The following IFIT1 variants were observed in gnomAD, a reference collection of about 807,000 sequenced individuals.
The protein encoded by IFIT1 is interferon induced protein with tetratricopeptide repeats 1, also known as antiviral innate immune response effector IFIT1.
In IFIT1, 1 loss-of-function variant was observed where a neutral mutation model predicts 2.5. The ratio of observed to expected loss-of-function variants is 0.40; its 90% CI spans 0.14 to 1.92. The LOEUF is 1.92. Among genes scored for constraint, IFIT1 ranks in the 40% most tolerant of loss-of-function variants. IFIT1 has a pLI of 0.31. For synonymous variants in IFIT1, 191 were observed against 201.7 expected (o/e 0.95, Z 0.45); for missense variants, 508 against 557.8 (o/e 0.91, Z 0.90).
intron 1 of IFIT1, 140 bp downstream of exon 1, chr10:89,392,857 G>A: frequency 1.2e-6 from 1 of 853,702 alleles, no homozygotes. Flanking sequence ...TGGACTGAAT[G>A]TGTGCATGCA....
intron 1 of IFIT1, among the ~76,000 whole-genome samples, chr10:89,394,577 A>AATATATATATATATAT (rs200060906): frequency 9.2e-6 from 1 of 108,752 alleles, no homozygotes; most frequent in Non-Finnish European, 1.8e-5. Context: ...ACTACAGGAA[A>AATATATATATATATAT]ATATATATAT....
At chr10:89,393,221 C>G (rs780544495) in intron 1 of IFIT1, 1 of 1,289,824 alleles carries the variant, frequency 7.8e-7, no homozygotes, top group South Asian at 1.2e-5. Context: ...AAGCTCACAG[C>G]CTTCCTCCAT....
Position 89,405,754 on chromosome 10 carries a change from G to A in IFIT1, c.*2042G>A, listed in dbSNP as rs1170181415. 6 of 152,126 alleles carry A rather than the reference G, an allele frequency of 3.9e-5. No homozygotes were observed. Among genetic ancestry groups the A allele is most frequent in the Non-Finnish European group, 5.9e-5 (4 of 68,048 alleles). 9.4% of individuals were successfully genotyped at this position (152,126 alleles called of 1,614,324 possible). A position where few individuals can be genotyped will look rare whatever the true frequency, so the allele number is the denominator to read the frequency against. ...TGACTCTTTTGCCTCTTTCTTCTAA[G>A]GACGCACCAGGTCCACCTGCATAAT... On this transcript the variant is annotated 3_prime_UTR_variant, in exon 2 of 2. Transcript: ENST00000371804.
At chr10:89,393,393 T>A in intron 1 of IFIT1, 1 of 941,874 alleles carries the variant, frequency 1.1e-6, no homozygotes, top group Non-Finnish European at 1.4e-6. Context: ...ATCCGTATCT[T>A]CCTTACCTAA....
intron 1 of IFIT1, among the ~76,000 whole-genome samples, chr10:89,399,112 C>T (rs1482394353): frequency 1.3e-5 from 2 of 151,994 alleles, no homozygotes; most frequent in Admixed American, 6.6e-5. Context: ...ATTTGCATTT[C>T]ACTAATGATT....
At chr10:89,402,244 C>G in intron 1 of IFIT1, 37 bp from the exon 2 acceptor site, 1 of 1,384,012 alleles carries the variant, frequency 7.2e-7, no homozygotes. Context: ...TTAGCTGTTC[C>G]TCACCTAACA....
chr10:89,399,041 C>CTTT (rs58350045), intron 1 of IFIT1, among the ~76,000 whole-genome samples: 1 of 151,266 alleles, frequency 6.6e-6, no homozygotes, highest in African/African-American at 2.4e-5. Flanking sequence ...TTATATCCTG[C>CTTT]TTTTTTTTTA....
Position 89,405,747 on chromosome 10 carries a change from C to G in IFIT1, c.*2035C>G, listed in dbSNP as rs1178780464. 6.6e-6 allele frequency: 1 copy of G among 152,226 alleles called. No homozygotes were observed. Among genetic ancestry groups the G allele is most frequent in the Non-Finnish European group, 1.5e-5 (1 of 68,054 alleles). The allele number at this position is 152,226 out of a possible 1,614,324, so 9.4% of individuals were successfully genotyped here. A position where few individuals can be genotyped will look rare whatever the true frequency, so the allele number is the denominator to read the frequency against. On this transcript the variant is annotated 3_prime_UTR_variant, in exon 2 of 2. Transcript: ENST00000371804. ...TCTCCTCTGACTCTTTTGCCTCTTT[C>G]TTCTAAGGACGCACCAGGTCCACCT... is the stretch of plus-strand genomic sequence containing the variant.
chr10:89,395,970 TTATC>T (rs1432445166), intron 1 of IFIT1, among the ~76,000 whole-genome samples: 2 of 152,232 alleles, frequency 1.3e-5, no homozygotes, highest in Admixed American at 1.3e-4. Context: ...TTACATTTTT[TTATC>T]TATCAGTTGG....
chr10:89,394,578 AT>A (rs1844307010), intron 1 of IFIT1, among the ~76,000 whole-genome samples: 3 of 14,312 alleles, frequency 2.1e-4, no homozygotes. Flanking sequence ...CTACAGGAAA[AT>A]ATATATATAT....
In IFIT1 at chr10:89,402,535, A is replaced by T. The variant is rs1226106754; in HGVS notation, c.260A>T (p.Asp87Val). 3.1e-6 allele frequency: 5 copies of T among 1,614,124 alleles called. No individual in the cohort carries two copies. The highest frequency in any genetic ancestry group is 8.5e-7 in the Non-Finnish European group (1 of 1,179,952). ...GAAAACTTAATGCAGGAAGAACATGACAACCAAGCAAATGTGAGGAGTCTG... is the reference window on the plus strand; with the variant it reads ...GAAAACTTAATGCAGGAAGAACATGTCAACCAAGCAAATGTGAGGAGTCTG... ...EAENLMQEEHDNQANVRSLVT... is the reference protein window; with the variant it reads ...EAENLMQEEHVNQANVRSLVT... The change falls in exon 2 of 2, where the codon GAC becomes GTC. Residue 87 changes from aspartate to valine, a missense_variant. Coordinates refer to ENST00000371804, the MANE Select transcript of IFIT1 (RefSeq NM_001548.5).
rs561712844 is a variant in IFIT1, at chr10:89,402,243, C to T, written c.6-38C>T. ...ATCTGACTTTTTTCTTTTAGCTGTT[C>T]CTCACCTAACAAAGAAAATCTGTTT... is the stretch of plus-strand genomic sequence containing the variant. On this transcript the variant is annotated intron_variant, in intron 1 of 1. Coordinates refer to ENST00000371804, the MANE Select transcript of IFIT1 (RefSeq NM_001548.5). 5.0e-5 allele frequency: 68 copies of T among 1,358,454 alleles called. No homozygotes were observed. The South Asian group carries it at 8.5e-4, about 17-fold the overall frequency. 84.2% of individuals were successfully genotyped at this position (1,358,454 alleles called of 1,614,324 possible). A position where few individuals can be genotyped will look rare whatever the true frequency, so the allele number is the denominator to read the frequency against.
chr10:89,402,824 C>T lies in IFIT1; in HGVS notation c.549C>T (p.Ile183=), dbSNP rs752694710. The T allele has an allele frequency of 6.2e-7, 1 of 1,614,214 alleles. No individual in the cohort carries two copies. The highest frequency in any genetic ancestry group is 8.5e-7 in the Non-Finnish European group (1 of 1,180,040). Residue 183 remains isoleucine, a synonymous_variant, in exon 2 of 2, where the codon ATC becomes ATT. Transcript: ENST00000371804. Reference sequence around the variant, plus strand: ...CTGAATCCAGCGCTGGGTATGCGATCTCTGCCTATCGCCTGGATGGCTTTA... The same window carrying T: ...CTGAATCCAGCGCTGGGTATGCGATTTCTGCCTATCGCCTGGATGGCTTTA... ...ENPESSAGYA[I]SAYRLDGFKL... is the part of the protein sequence containing the mutation.
intron 1 of IFIT1, among the ~76,000 whole-genome samples, chr10:89,396,779 G>T (rs544305600): frequency 6.6e-6 from 1 of 152,256 alleles, no homozygotes; most frequent in African/African-American, 2.4e-5. Flanking sequence ...CAACTTACTG[G>T]GTGAGAAGTG....
chr10:89,393,263 C>T lies in IFIT1; in HGVS notation c.5+546C>T. The T allele has an allele frequency of 7.0e-6, 9 of 1,289,732 alleles. No homozygotes were observed. In the South Asian group the frequency reaches 1.1e-4, roughly 16 times the overall value. The allele number at this position is 1,289,732 out of a possible 1,614,324, so 79.9% of individuals were successfully genotyped here. ...CTGGTCTCACTTTCTGCACTGCTGG[C>T]CTCTTACAACAGGTTTTCGCAATCA... is the stretch of plus-strand genomic sequence containing the variant. On this transcript the variant is annotated intron_variant, in intron 1 of 1. Transcript: ENST00000371804.
intron 1 of IFIT1, 49 bp downstream of exon 1, chr10:89,392,766 A>G (rs1391208519): frequency 6.3e-7 from 1 of 1,592,354 alleles, no homozygotes; most frequent in East Asian, 2.2e-5. Context: ...TTTTTGAAAA[A>G]ATGGTAATTA....
At chr10:89,402,134 G>T in intron 1 of IFIT1, 147 bp from the exon 2 acceptor site, 1 of 622,936 alleles carries the variant, frequency 1.6e-6, no homozygotes. Flanking sequence ...AACAGTCCAT[G>T]AATAACTTAA....
At chr10:89,402,246 C>G (rs1422476851) in intron 1 of IFIT1, 35 bp from the exon 2 acceptor site, 1 of 1,402,096 alleles carries the variant, frequency 7.1e-7, no homozygotes, top group Non-Finnish European at 9.9e-7. Context: ...AGCTGTTCCT[C>G]ACCTAACAAA....
At position 89,405,216 on chromosome 10, in the gene IFIT1, G is replaced by T. The variant is rs1844510924; in HGVS notation, c.*1504G>T. The T allele has an allele frequency of 6.6e-6, 1 of 152,048 alleles. No individual in the cohort carries two copies. The highest frequency in any genetic ancestry group is 1.5e-5 in the Non-Finnish European group (1 of 68,014). The allele number at this position is 152,048 out of a possible 1,614,324, so 9.4% of individuals were successfully genotyped here. The stretch of plus-strand genomic sequence containing the variant: ...TTCCAAGGAGTTTATCTTGTTTTAT[G>T]CCATTTTATTTGAAGCACTACTTAC... On this transcript the variant is annotated 3_prime_UTR_variant, in exon 2 of 2. Coordinates refer to ENST00000371804, the MANE Select transcript of IFIT1 (RefSeq NM_001548.5).
Sources: allele counts gnomAD v4.1 joint callset (sites outside exome capture counted in the v4.1 genomes callset), GRCh38; gene constraint gnomAD v4.1.1; transcripts MANE v1.5; gene names NCBI Gene and HGNC (gene_info 2026-07-23, HGNC 2026-07-21).